The following ACTR3B variants were observed in gnomAD, a reference collection of about 807,000 sequenced individuals.
ACTR3B encodes the protein actin-related protein 3B.
Under a neutral mutation model 59.0 loss-of-function variants are expected in ACTR3B, and 8 were observed. That is an observed-to-expected ratio of 0.14 (90% CI 0.08 to 0.24). The LOEUF (loss-of-function observed/expected upper bound fraction) is 0.24, where lower values mean the gene tolerates loss of function less well. Ranked by LOEUF, ACTR3B falls within the 10% of genes least tolerant of loss-of-function variation. The pLI is 1.00. For synonymous variants in ACTR3B, 148 were observed against 197.9 expected (o/e 0.75, Z 2.12); for missense variants, 245 against 552.3 (o/e 0.44, Z 5.58).
chr7:152,788,997 G>T (rs1277504789), intron 2 of ACTR3B, among the ~76,000 whole-genome samples: 1 of 152,066 alleles, frequency 6.6e-6, no homozygotes, highest in Non-Finnish European at 1.5e-5. Flanking sequence ...ACTCCAGCCT[G>T]GGCAGCAGAA....
At chr7:152,778,766 C>A (rs1306040640) in intron 1 of ACTR3B, among the ~76,000 whole-genome samples, 1 of 150,728 alleles carries the variant, frequency 6.6e-6, no homozygotes, top group African/African-American at 2.4e-5. Context: ...ATAGGAAGAC[C>A]CCTCTGTACA....
rs1240813125 is a variant in ACTR3B at position 152,833,258 on chromosome 7, G to T, written c.951+8136G>T. Among the ~76,000 whole-genome samples, 13 of 152,328 alleles carry T rather than the reference G, an allele frequency of 8.5e-5. No individual in the cohort carries two copies. The East Asian group carries it at 2.3e-3, about 27-fold the overall frequency. On this transcript the variant is annotated intron_variant, in intron 9 of 11. Coordinates refer to ENST00000256001, the MANE Select transcript of ACTR3B (RefSeq NM_020445.6). ...TAATTGTTATGTCCCTTCCCATCAG[G>T]CGGCCGTTGAGGGCTGGACCTGGAG... is the stretch of plus-strand genomic sequence containing the variant.
At chr7:152,795,040 T>C (rs898281360) in intron 2 of ACTR3B, among the ~76,000 whole-genome samples, 4 of 151,266 alleles carry the variant, frequency 2.6e-5, no homozygotes, top group Admixed American at 6.6e-5. Context: ...CACTCTCTTT[T>C]TTTTTTTTTT....
intron 4 of ACTR3B, among the ~76,000 whole-genome samples, chr7:152,808,172 G>A (rs1435861378): frequency 6.6e-6 from 1 of 152,170 alleles, no homozygotes; most frequent in East Asian, 1.9e-4. Context: ...GCGTCTTCAA[G>A]CTTCATCCAT....
chr7:152,774,223 G>A (rs148313682), intron 1 of ACTR3B, among the ~76,000 whole-genome samples: 1,571 of 152,228 alleles, frequency 0.01, 64 homozygotes, highest in East Asian at 0.097. Flanking sequence ...TGCAACCTCC[G>A]CCTCCTGGGT....
chr7:152,839,088 C>G (rs1422470977), intron 9 of ACTR3B, among the ~76,000 whole-genome samples: 1 of 150,440 alleles, frequency 6.6e-6, no homozygotes, highest in African/African-American at 2.5e-5. Context: ...AGACGGTGAG[C>G]AGTGCCAAGG....
In ACTR3B at chr7:152,784,844, C is replaced by T. The variant is rs568350778; in HGVS notation, c.100+1602C>T. 3.9e-3 allele frequency among the ~76,000 whole-genome samples: 594 copies of T among 151,986 alleles called. 6 individuals are homozygous for T. The highest frequency in any genetic ancestry group is 0.039 in the South Asian group (185 of 4,790). ...GCCACCACTCTTATTGATGGGGACC[C>T]CACATTTACCCCAACCACCTCTCTA... is the stretch of plus-strand genomic sequence containing the variant. On this transcript the variant is annotated intron_variant, in intron 2 of 11. Coordinates refer to ENST00000256001, the MANE Select transcript of ACTR3B (RefSeq NM_020445.6).
At position 152,854,650 on chromosome 7, in the gene ACTR3B, T is replaced by C; in HGVS notation, c.*97T>C. 2 of 1,296,070 alleles carry C rather than the reference T, an allele frequency of 1.5e-6. No homozygotes were observed. The highest frequency in any genetic ancestry group is 2.5e-5 in the South Asian group (2 of 81,224). 80.3% of individuals were successfully genotyped at this position (1,296,070 alleles called of 1,614,324 possible). ...GCCGTTCTGTAAATAGCGACGTCGG[T>C]GTTGCTGCCCAGCAGCGTGCTTGCA... On this transcript the variant is annotated 3_prime_UTR_variant, in exon 12 of 12. Coordinates refer to ENST00000256001, the MANE Select transcript of ACTR3B (RefSeq NM_020445.6). This position sits in a 1 kb window ranked among gnomAD's most constrained non-coding sequence, Gnocchi z 4.9.
intron 1 of ACTR3B, among the ~76,000 whole-genome samples, chr7:152,761,891 T>TTA (rs1329440471): frequency 9.2e-5 from 14 of 152,230 alleles, no homozygotes; most frequent in Admixed American, 9.2e-4. Flanking sequence ...ACCCTGAGCT[T>TTA]TAGCCCAGTG....
chr7:152,815,530 CG>C (rs1795618999), intron 5 of ACTR3B, among the ~76,000 whole-genome samples: 1 of 152,182 alleles, frequency 6.6e-6, no homozygotes, highest in Non-Finnish European at 1.5e-5. Context: ...TTTTGGGCTT[CG>C]TCTTCGACCA....
At chr7:152,815,446 A>C (rs1795612724) in intron 5 of ACTR3B, among the ~76,000 whole-genome samples, 1 of 152,218 alleles carries the variant, frequency 6.6e-6, no homozygotes, top group Admixed American at 6.5e-5. Flanking sequence ...ACACTTCAGG[A>C]GACATAAGAC....
At position 152,775,217 on chromosome 7, in the gene ACTR3B, G is replaced by A. The variant is rs964464657; in HGVS notation, c.45-7970G>A. Among the ~76,000 whole-genome samples, 440 of 110,492 alleles carry A rather than the reference G, an allele frequency of 4.0e-3. 2 individuals are homozygous for A. The highest frequency in any genetic ancestry group is 0.015 in the African/African-American group (389 of 26,484). The allele number at this position is 110,492 out of a possible 152,430, so 72.5% of individuals were successfully genotyped here. A position where few individuals can be genotyped will look rare whatever the true frequency, so the allele number is the denominator to read the frequency against. On this transcript the variant is annotated intron_variant, in intron 1 of 11. Transcript: ENST00000256001. ...AAAAAAAAAAAAAAAAAAAAAAAAA[G>A]ATGTAAAACACTGTTTTAAGATGTA... is the stretch of plus-strand genomic sequence containing the variant.
intron 1 of ACTR3B, among the ~76,000 whole-genome samples, chr7:152,764,165 A>G (rs1401785591): frequency 1.3e-5 from 2 of 151,350 alleles, no homozygotes; most frequent in Non-Finnish European, 2.9e-5. Flanking sequence ...ACCACCACGC[A>G]TGGCTGTTTT....
chr7:152,775,113 G>A (rs1000501394), intron 1 of ACTR3B, among the ~76,000 whole-genome samples: 9 of 147,106 alleles, frequency 6.1e-5, no homozygotes, highest in African/African-American at 2.3e-4. Context: ...ATTGCTTGAG[G>A]CCAGGAGGTC....
chr7:152,853,381 G>A (rs901032195), intron 10 of ACTR3B, 113 bp from the exon 11 acceptor site: 33 of 841,590 alleles, frequency 3.9e-5, no homozygotes, highest in Admixed American at 2.6e-4. Flanking sequence ...GGTGGTGCTC[G>A]TGCCATAAGA....
intron 9 of ACTR3B, among the ~76,000 whole-genome samples, chr7:152,830,247 G>A (rs1366856107): frequency 6.6e-6 from 1 of 152,166 alleles, no homozygotes; most frequent in Non-Finnish European, 1.5e-5. Context: ...GATGCCTGCG[G>A]TGCCTGTTTT....
intron 1 of ACTR3B, among the ~76,000 whole-genome samples, chr7:152,773,098 G>C (rs562526311): frequency 6.6e-6 from 1 of 151,694 alleles, no homozygotes; most frequent in East Asian, 1.9e-4. Flanking sequence ...AAATAAAATA[G>C]ATTACAGAGT....
At chr7:152,782,095 CA>C (rs2098155924) in intron 1 of ACTR3B, among the ~76,000 whole-genome samples, 1 of 151,870 alleles carries the variant, frequency 6.6e-6, no homozygotes, top group Non-Finnish European at 1.5e-5. Context: ...GTAAAATTAG[CA>C]TATGGTAAAC....
intron 9 of ACTR3B, among the ~76,000 whole-genome samples, chr7:152,830,700 G>A (rs1403277180): frequency 3.9e-5 from 6 of 151,988 alleles, no homozygotes; most frequent in Admixed American, 1.3e-4. Flanking sequence ...AGGTGTGGGC[G>A]ACCACTTGCA....
Sources: allele counts gnomAD v4.1 joint callset (sites outside exome capture counted in the v4.1 genomes callset), GRCh38; gene constraint gnomAD v4.1.1; non-coding constraint Gnocchi (gnomAD v3.1); transcripts MANE v1.5; gene names NCBI Gene and HGNC (gene_info 2026-07-23, HGNC 2026-07-21).